Variants in CSTPP1 observed in about 807,000 individuals in gnomAD.
CSTPP1 encodes UPF0705 protein C11orf49.
the CSTPP1 span, chr11:47,157,811 A>G: frequency 6.8e-6 from 11 of 1,613,434 alleles, no homozygotes; most frequent in East Asian, 2.5e-4. Flanking sequence ...TCTCCTTCTT[A>G]GCTGCCCACC....
At chr11:47,060,113 A>G in the CSTPP1 span, among the ~76,000 whole-genome samples, 1 of 47,202 alleles carries the variant, frequency 2.1e-5, no homozygotes, top group East Asian at 5.9e-4. Flanking sequence ...CGAAAAAAAA[A>G]AAAAAGAAAA....
chr11:46,985,574 A>G, the CSTPP1 span, among the ~76,000 whole-genome samples: 3 of 152,298 alleles, frequency 2.0e-5, no homozygotes, highest in East Asian at 3.9e-4. Flanking sequence ...AAAGTTTGTC[A>G]GGAAACCTCT....
the CSTPP1 span, among the ~76,000 whole-genome samples, chr11:46,941,711 G>T: frequency 6.6e-6 from 1 of 152,098 alleles, no homozygotes; most frequent in East Asian, 1.9e-4. Flanking sequence ...AATATTTCCT[G>T]ATTTAAATTT....
chr11:46,993,130 G>C, the CSTPP1 span, among the ~76,000 whole-genome samples: 1 of 152,166 alleles, frequency 6.6e-6, no homozygotes, highest in Non-Finnish European at 1.5e-5. Context: ...GTAGATTCTG[G>C]ATAGTAGCCC....
At chr11:47,161,116 T>A in the CSTPP1 span, 5 of 1,614,110 alleles carry the variant, frequency 3.1e-6, no homozygotes, top group Non-Finnish European at 3.4e-6. Flanking sequence ...GTGCCCCCAA[T>A]GATCTCCTAG....
the CSTPP1 span, among the ~76,000 whole-genome samples, chr11:47,101,195 A>T: frequency 0.64 from 35,648 of 56,128 alleles, 10,873 homozygotes; most frequent in Non-Finnish European, 0.7. Context: ...TTTTTATTTT[A>T]TTTTTAGTAG....
the CSTPP1 span, among the ~76,000 whole-genome samples, chr11:47,117,667 A>G: frequency 6.6e-6 from 1 of 151,992 alleles, no homozygotes; most frequent in African/African-American, 2.4e-5. Context: ...CTGAATTTGA[A>G]TGTTGGCCTG....
the CSTPP1 span, among the ~76,000 whole-genome samples, chr11:47,001,094 T>C: frequency 6.6e-6 from 1 of 152,172 alleles, no homozygotes. Context: ...GCCAATAACT[T>C]AGCTCAGAGG....
At chr11:47,134,867 C>T in the CSTPP1 span, among the ~76,000 whole-genome samples, 2 of 152,148 alleles carry the variant, frequency 1.3e-5, no homozygotes, top group Admixed American at 6.5e-5. Flanking sequence ...AGGCTCATGC[C>T]TGTAATCCCA....
chr11:47,089,951 T>C, the CSTPP1 span, among the ~76,000 whole-genome samples: 8 of 152,228 alleles, frequency 5.3e-5, no homozygotes, highest in African/African-American at 1.9e-4. Flanking sequence ...ATTTACTGTG[T>C]AGAGGACAAA....
the CSTPP1 span, among the ~76,000 whole-genome samples, chr11:46,968,728 G>A: frequency 2.0e-5 from 3 of 151,632 alleles, no homozygotes; most frequent in South Asian, 2.1e-4. Flanking sequence ...GTGACACCCC[G>A]TCTCTACTAA....
At chr11:46,983,493 G>A in the CSTPP1 span, among the ~76,000 whole-genome samples, 1 of 152,176 alleles carries the variant, frequency 6.6e-6, no homozygotes, top group African/African-American at 2.4e-5. Context: ...TGGAAGTCAT[G>A]GCAAAGCCAA....
At chr11:46,995,976 A>C in the CSTPP1 span, among the ~76,000 whole-genome samples, 2 of 152,134 alleles carry the variant, frequency 1.3e-5, no homozygotes, top group African/African-American at 4.8e-5. Flanking sequence ...TTGGGTGCGT[A>C]TATATTTAGG....
chr11:47,156,399 A>G, the CSTPP1 span, among the ~76,000 whole-genome samples: 286 of 152,228 alleles, frequency 1.9e-3, 1 homozygote, highest in Non-Finnish European at 2.9e-3. Flanking sequence ...GAGATGGGCC[A>G]TAAGTCAGCA....
the CSTPP1 span, among the ~76,000 whole-genome samples, chr11:47,032,597 C>T: frequency 6.6e-6 from 1 of 152,106 alleles, no homozygotes; most frequent in Non-Finnish European, 1.5e-5. Context: ...TTTCATGTCA[C>T]AGCCAAGTCC....
At chr11:46,984,750 A>C in the CSTPP1 span, among the ~76,000 whole-genome samples, 2 of 152,034 alleles carry the variant, frequency 1.3e-5, no homozygotes, top group Admixed American at 1.3e-4. Flanking sequence ...CAAAAAGAAA[A>C]AAAAAAAAAA....
chr11:46,974,539 A>AG, the CSTPP1 span, among the ~76,000 whole-genome samples: 7 of 149,740 alleles, frequency 4.7e-5, no homozygotes, highest in Admixed American at 1.3e-4. Context: ...AAAAAAAAAA[A>AG]AAAGAAAGAA....
chr11:46,964,441 A>T, the CSTPP1 span, among the ~76,000 whole-genome samples: 16 of 151,894 alleles, frequency 1.1e-4, no homozygotes, highest in Non-Finnish European at 1.9e-4. Flanking sequence ...GCCCGCCTCC[A>T]CGCCTGACTA....
the CSTPP1 span, among the ~76,000 whole-genome samples, chr11:47,071,214 C>A: frequency 2.6e-5 from 4 of 152,224 alleles, no homozygotes; most frequent in Admixed American, 2.6e-4. Flanking sequence ...TTTATCTTTC[C>A]TTTTTCCCCA....
Sources: gnomAD v4.1 joint callset for allele counts (sites outside exome capture counted in the v4.1 genomes callset) on GRCh38, gnomAD v4.1.1 for gene constraint, MANE v1.5 for transcripts, NCBI Gene and HGNC (gene_info 2026-07-23, HGNC 2026-07-21) for gene names.